NRGN: variants seen among roughly 807,000 people sequenced by gnomAD.
NRGN encodes the protein calmodulin-binding protein.
For missense variants in NRGN, 82 were observed against 123.0 expected, an observed-to-expected ratio of 0.67 and a Z score of 1.58; for synonymous variants, 47 against 52.8, an observed-to-expected ratio of 0.89 and a Z score of 0.47.
intron 1 of NRGN, among the ~76,000 whole-genome samples, chr11:124,743,751 T>G (rs546112095): frequency 6.6e-6 from 1 of 152,218 alleles, no homozygotes; most frequent in African/African-American, 2.4e-5. Flanking sequence ...CACTGAAGCC[T>G]TCCTCATATC....
intron 1 of NRGN, among the ~76,000 whole-genome samples, chr11:124,743,305 C>G (rs1943980881): frequency 6.6e-6 from 1 of 152,224 alleles, no homozygotes; most frequent in Non-Finnish European, 1.5e-5. Flanking sequence ...ACTCAACCTT[C>G]CCACTCCTCC....
rs2134446784 is a variant in NRGN at position 124,745,456 on chromosome 11, GA to G, written c.16-46del. On this transcript the variant is annotated intron_variant, in intron 1 of 3. Transcript: ENST00000284292. The surrounding 1 kb of genome is among the most constrained non-coding windows in gnomAD (Gnocchi z 6.4). ...GCTCTATTCCTACCCCACTCCCGCG[GA>G]TCAAGACCCAGTGACCCCACAAGAA... The G allele has an allele frequency of 6.9e-7, 1 of 1,443,594 alleles. No homozygotes were observed. Among genetic ancestry groups the G allele is most frequent in the Non-Finnish European group, 9.3e-7 (1 of 1,073,290 alleles). The allele number at this position is 1,443,594 out of a possible 1,614,324, so 89.4% of individuals were successfully genotyped here.
At chr11:124,741,326 G>A (rs1404378120) in intron 1 of NRGN, among the ~76,000 whole-genome samples, 1 of 152,158 alleles carries the variant, frequency 6.6e-6, no homozygotes, top group South Asian at 2.1e-4. Context: ...TGTGGAGGCA[G>A]GATTCAAACA....
chr11:124,746,543 C>A lies in NRGN; in HGVS notation c.*163C>A, dbSNP rs1944013512. ...GAGACTCCCTCACCCAGGCAGGCTC[C>A]GTCGCGGAGTCGCTGAGTCCGTGCC... On this transcript the variant is annotated 3_prime_UTR_variant, in exon 4 of 4. Transcript: ENST00000284292. 6.5e-6 allele frequency: 1 copy of A among 152,750 alleles called. No individual in the cohort carries two copies. The highest frequency in any genetic ancestry group is 2.1e-4 in the South Asian group (1 of 4,826). The allele number at this position is 152,750 out of a possible 1,614,324, so 9.5% of individuals were successfully genotyped here. A position where few individuals can be genotyped will look rare whatever the true frequency, so the allele number is the denominator to read the frequency against.
rs1488165205 is a variant in NRGN at position 124,740,160 on chromosome 11, A to AAAG, written c.15+62_15+64dup. The AAAG allele has an allele frequency of 8.9e-6, 11 of 1,231,218 alleles. No homozygotes were observed. The highest frequency in any genetic ancestry group is 1.6e-5 in the African/African-American group (1 of 64,354). The allele number at this position is 1,231,218 out of a possible 1,614,324, so 76.3% of individuals were successfully genotyped here. A position where few individuals can be genotyped will look rare whatever the true frequency, so the allele number is the denominator to read the frequency against. On this transcript the variant is annotated intron_variant, in intron 1 of 3. Transcript: ENST00000284292. This position sits in a 1 kb window ranked among gnomAD's most constrained non-coding sequence, Gnocchi z 7.5. The stretch of plus-strand genomic sequence containing the variant: ...GGGTCCGCTGCGAGAGGCGCCTGAG[A>AAAG]AAGCCCTGGAGGGCGAGAGAGGGAT...
chr11:124,740,222 AG>A lies in NRGN; in HGVS notation c.15+127del. ...CGGAAGACCTAGGAGCAGAAAGAAA[AG>A]GGGTCCTTGCCGAGACGTGGGTGGT... On this transcript the variant is annotated intron_variant, in intron 1 of 3. Coordinates refer to ENST00000284292, the MANE Select transcript of NRGN (RefSeq NM_006176.3). This position sits in a 1 kb window ranked among gnomAD's most constrained non-coding sequence, Gnocchi z 7.5. The A allele has an allele frequency of 1.4e-6, 1 of 727,854 alleles. No homozygotes were observed. Among genetic ancestry groups the A allele is most frequent in the Non-Finnish European group, 1.9e-6 (1 of 514,500 alleles). 45.1% of individuals were successfully genotyped at this position (727,854 alleles called of 1,614,324 possible). A position where few individuals can be genotyped will look rare whatever the true frequency, so the allele number is the denominator to read the frequency against.
At position 124,740,660 on chromosome 11, in the gene NRGN, GC is replaced by G. The variant is rs1350988422; in HGVS notation, c.15+566del. 6.6e-6 allele frequency among the ~76,000 whole-genome samples: 1 copy of G among 152,230 alleles called. No individual in the cohort carries two copies. The highest frequency in any genetic ancestry group is 6.5e-5 in the Admixed American group (1 of 15,282). On this transcript the variant is annotated intron_variant, in intron 1 of 3. Transcript: ENST00000284292. This position sits in a 1 kb window ranked among gnomAD's most constrained non-coding sequence, Gnocchi z 7.5. ...GTGGTTCTGGGGAGGGGTTGTCCCGGCCCCCAAGGCCTTCTCGCTCGGAAGG... is the reference window on the plus strand; with the variant it reads ...GTGGTTCTGGGGAGGGGTTGTCCCGGCCCCAAGGCCTTCTCGCTCGGAAGG...
intron 1 of NRGN, chr11:124,744,706 G>A (rs990905509): frequency 1.3e-5 from 2 of 152,182 alleles, no homozygotes; most frequent in African/African-American, 4.8e-5. Context: ...ATTGCACCTG[G>A]AACAAGGTAA....
chr11:124,740,180 AG>A lies in NRGN; in HGVS notation c.15+84del, dbSNP rs1943956338. On this transcript the variant is annotated intron_variant, in intron 1 of 3. Coordinates refer to ENST00000284292, the MANE Select transcript of NRGN (RefSeq NM_006176.3). The surrounding 1 kb of genome is among the most constrained non-coding windows in gnomAD (Gnocchi z 7.5). ...CTGAGAAAGCCCTGGAGGGCGAGAGAGGGATGGAAGTGGATGCGGAAGACCT... is the reference window on the plus strand; with the variant it reads ...CTGAGAAAGCCCTGGAGGGCGAGAGAGGATGGAAGTGGATGCGGAAGACCT... The A allele has an allele frequency of 9.6e-7, 1 of 1,044,342 alleles. No homozygotes were observed. Among genetic ancestry groups the A allele is most frequent in the African/African-American group, 1.6e-5 (1 of 60,806 alleles). The allele number at this position is 1,044,342 out of a possible 1,614,324, so 64.7% of individuals were successfully genotyped here.
At position 124,743,412 on chromosome 11, in the gene NRGN, C is replaced by G. The variant is rs182391819; in HGVS notation, c.16-2091C>G. ...GCCTCACTGTTCCCTGAGGATATCC[C>G]AAGAAAGACTTGAGCTCTAAGAATA... On this transcript the variant is annotated intron_variant, in intron 1 of 3. Transcript: ENST00000284292. Among the ~76,000 whole-genome samples, 322 of 152,310 alleles carry G rather than the reference C, an allele frequency of 2.1e-3. 1 individual carries two copies. The highest frequency in any genetic ancestry group is 3.5e-3 in the Non-Finnish European group (235 of 68,024).
Position 124,746,458 on chromosome 11 carries a change from C to G in NRGN, c.*78C>G, listed in dbSNP as rs1457022326. On this transcript the variant is annotated 3_prime_UTR_variant, in exon 4 of 4. Coordinates refer to ENST00000284292, the MANE Select transcript of NRGN (RefSeq NM_006176.3). ...CTTCGCAGCGACGAGACTTCCCTGC[C>G]GTGTTTGTGACCCCCTCCTGCCCAG... The G allele has an allele frequency of 6.5e-6, 1 of 152,696 alleles. No homozygotes were observed. Among genetic ancestry groups the G allele is most frequent in the African/African-American group, 2.4e-5 (1 of 41,432 alleles). 9.5% of individuals were successfully genotyped at this position (152,696 alleles called of 1,614,324 possible).
intron 1 of NRGN, among the ~76,000 whole-genome samples, chr11:124,742,747 A>G (rs1185961734): frequency 6.6e-6 from 1 of 152,212 alleles, no homozygotes; most frequent in Non-Finnish European, 1.5e-5. Flanking sequence ...AATGGGGATT[A>G]AATGAGGTAA....
At position 124,740,439 on chromosome 11, in the gene NRGN, C is replaced by T. The variant is rs1349521440; in HGVS notation, c.15+340C>T. Among the ~76,000 whole-genome samples the T allele has an allele frequency of 6.6e-6, 1 of 152,170 alleles. No homozygotes were observed. The highest frequency in any genetic ancestry group is 1.5e-5 in the Non-Finnish European group (1 of 68,030). On this transcript the variant is annotated intron_variant, in intron 1 of 3. Transcript: ENST00000284292. The surrounding 1 kb of genome is among the most constrained non-coding windows in gnomAD (Gnocchi z 7.5). ...CCCAGTGAGACGCTGGCAACCATCG[C>T]CTGGAGACACTGCAGCGACTCCTTC... is the stretch of plus-strand genomic sequence containing the variant.
chr11:124,743,117 C>T (rs1442303904), intron 1 of NRGN, among the ~76,000 whole-genome samples: 2 of 152,242 alleles, frequency 1.3e-5, no homozygotes, highest in African/African-American at 4.8e-5. Flanking sequence ...GGACTGGCCA[C>T]CTGGCAGCTC....
Position 124,745,528 on chromosome 11 carries a change from A to G in NRGN, c.41A>G (p.Asp14Gly). The change falls in exon 2 of 4, where the codon GAC becomes GGC. Residue 14 changes from aspartate to glycine, a missense_variant. Asp to Gly is a moderately conservative substitution (Grantham distance 94). Transcript: ENST00000284292. This position sits in a 1 kb window ranked among gnomAD's most constrained non-coding sequence, Gnocchi z 6.4. ...GAGAACGCCTGCTCCAAGCCGGACG[A>G]CGACATTCTAGACATCCCGCTGGAC... ...CTENACSKPD[D>G]DILDIPLDDP... 6.3e-7 allele frequency: 1 copy of G among 1,599,720 alleles called. No homozygotes were observed. Among genetic ancestry groups the G allele is most frequent in the South Asian group, 1.1e-5 (1 of 89,250 alleles).
intron 1 of NRGN, among the ~76,000 whole-genome samples, chr11:124,744,336 G>A (rs1482466662): frequency 1.3e-5 from 2 of 152,214 alleles, no homozygotes; most frequent in Non-Finnish European, 2.9e-5. Context: ...TGCATATCAT[G>A]CTGTTTATTC....
At position 124,740,233 on chromosome 11, in the gene NRGN, C is replaced by T; in HGVS notation, c.15+134C>T. On this transcript the variant is annotated intron_variant, in intron 1 of 3. Transcript: ENST00000284292. This position sits in a 1 kb window ranked among gnomAD's most constrained non-coding sequence, Gnocchi z 7.5. ...GGAGCAGAAAGAAAAGGGGTCCTTGCCGAGACGTGGGTGGTGGATGGTGGA... is the reference window on the plus strand; with the variant it reads ...GGAGCAGAAAGAAAAGGGGTCCTTGTCGAGACGTGGGTGGTGGATGGTGGA... The T allele has an allele frequency of 1.6e-6, 1 of 640,444 alleles. No individual in the cohort carries two copies. The highest frequency in any genetic ancestry group is 2.3e-6 in the Non-Finnish European group (1 of 438,298). The allele number at this position is 640,444 out of a possible 1,614,324, so 39.7% of individuals were successfully genotyped here.
intron 1 of NRGN, among the ~76,000 whole-genome samples, chr11:124,744,013 C>A (rs532777639): frequency 6.6e-6 from 1 of 152,128 alleles, no homozygotes; most frequent in East Asian, 1.9e-4. Flanking sequence ...ACTAATACTG[C>A]AAGTAATGTT....
intron 1 of NRGN, among the ~76,000 whole-genome samples, chr11:124,741,163 T>G (rs893710045): frequency 7.9e-5 from 12 of 152,186 alleles, no homozygotes; most frequent in African/African-American, 2.9e-4. Context: ...TCTTATTAGT[T>G]TAAGTAATAG....
Sources: allele counts gnomAD v4.1 joint callset (sites outside exome capture counted in the v4.1 genomes callset), GRCh38; gene constraint gnomAD v4.1.1; non-coding constraint Gnocchi (gnomAD v3.1); transcripts MANE v1.5; gene names NCBI Gene and HGNC (gene_info 2026-07-23, HGNC 2026-07-21).